CHD8: variants seen among roughly 807,000 people sequenced by gnomAD.
CHD8 encodes ATP-dependent chromatin remodeler CHD8.
Under a neutral mutation model 279.2 loss-of-function variants are expected in CHD8, and 31 were observed. The ratio of observed to expected loss-of-function variants is 0.11; its 90% confidence interval spans 0.08 to 0.15. The LOEUF (loss-of-function observed/expected upper bound fraction) is 0.15. Ranked by LOEUF, CHD8 falls within the 10% of genes least tolerant of loss-of-function variation. CHD8 has a pLI of 1.00. For synonymous variants in CHD8, 1,081 were observed against 1,139.6 expected (o/e 0.95, Z 1.04); for missense variants, 2,146 against 3,230.5 (o/e 0.66, Z 8.14).
chr14:21,421,284 T>A (rs186569207), intron 5 of CHD8, among the ~76,000 whole-genome samples: 1 of 152,002 alleles, frequency 6.6e-6, no homozygotes, highest in East Asian at 1.9e-4. Flanking sequence ...CATACATACT[T>A]TAAACATTAA....
chr14:21,433,188 C>T (rs1013463512), intron 1 of CHD8, among the ~76,000 whole-genome samples: 2 of 152,110 alleles, frequency 1.3e-5, no homozygotes, highest in South Asian at 2.1e-4. Flanking sequence ...GTAAACCATT[C>T]GATCCTCACA....
chr14:21,417,747 G>A (rs1888794193), intron 5 of CHD8, among the ~76,000 whole-genome samples: 2 of 151,044 alleles, frequency 1.3e-5, no homozygotes, highest in African/African-American at 4.9e-5. Flanking sequence ...CCCGCTACTC[G>A]GGAGGCTGAG....
At chr14:21,404,360 T>G (rs950359259) in intron 16 of CHD8, among the ~76,000 whole-genome samples, 9 of 145,478 alleles carry the variant, frequency 6.2e-5, no homozygotes, top group Non-Finnish European at 1.0e-4. Flanking sequence ...ATTGCACCAC[T>G]GTACTCCAGC....
Position 21,395,902 on chromosome 14 carries a change from T to G in CHD8, c.5052-10A>C, listed in dbSNP as rs984930330. Reference sequence around the variant, plus strand: ...TTTATCAAAGTCAACCCTAAAATTATGGAGAGGCACAAGAAAATGTTAATA... The same window carrying G: ...TTTATCAAAGTCAACCCTAAAATTAGGGAGAGGCACAAGAAAATGTTAATA... On this transcript the variant is annotated splice_polypyrimidine_tract_variant and intron_variant, in intron 27 of 37. Transcript: ENST00000646647. 3 of 1,589,640 alleles carry G rather than the reference T, an allele frequency of 1.9e-6. No individual in the cohort carries two copies. The highest frequency in any genetic ancestry group is 1.7e-5 in the Admixed American group (1 of 59,694).
chr14:21,419,211 T>C lies in CHD8; in HGVS notation c.1717-3304A>G, dbSNP rs1411976106. On this transcript the variant is annotated intron_variant, in intron 5 of 37. Transcript: ENST00000646647. ...ATATAGTATTCTTAAAATGACCTTT[T>C]TAAAAAAAAAATTTAGGAAACACTT... Among the ~76,000 whole-genome samples the C allele has an allele frequency of 2.0e-5, 3 of 151,660 alleles. No individual in the cohort carries two copies. In the East Asian group the frequency reaches 5.8e-4, roughly 29 times the overall value.
intron 5 of CHD8, among the ~76,000 whole-genome samples, chr14:21,423,213 T>C (rs1311077532): frequency 1.3e-5 from 2 of 151,956 alleles, no homozygotes; most frequent in African/African-American, 2.4e-5. Context: ...GCAGACTCTA[T>C]CTCAAAAAAT....
chr14:21,399,136 T>C, intron 26 of CHD8: 1 of 285,084 alleles, frequency 3.5e-6, no homozygotes, highest in Non-Finnish European at 7.1e-6. Flanking sequence ...CAGGTGGTGC[T>C]TTGCCTCTGA....
chr14:21,395,683 A>T (rs771018726), intron 28 of CHD8, 134 bp downstream of exon 28: 18 of 671,894 alleles, frequency 2.7e-5, no homozygotes, highest in Non-Finnish European at 2.6e-6. Context: ...AATATTTTCT[A>T]TTCTCAAATG....
chr14:21,413,219 G>A (rs1888577172), intron 9 of CHD8, among the ~76,000 whole-genome samples: 1 of 152,084 alleles, frequency 6.6e-6, no homozygotes, highest in South Asian at 2.1e-4. Context: ...TTCTAACAGA[G>A]GTCCTTCTCT....
Position 21,402,586 on chromosome 14 carries a change from T to A in CHD8, c.3715-83A>T. 1 of 1,300,994 alleles carries A rather than the reference T, an allele frequency of 7.7e-7. No homozygotes were observed. Among genetic ancestry groups the A allele is most frequent in the African/African-American group, 1.5e-5 (1 of 67,024 alleles). The allele number at this position is 1,300,994 out of a possible 1,614,324, so 80.6% of individuals were successfully genotyped here. A position where few individuals can be genotyped will look rare whatever the true frequency, so the allele number is the denominator to read the frequency against. The stretch of plus-strand genomic sequence containing the variant: ...AAGGATACAAAATACCAATTTATGA[T>A]TCTTTCACCTCTATAGAGCAGCCAT... On this transcript the variant is annotated intron_variant, in intron 18 of 37. Transcript: ENST00000646647. This position sits in a 1 kb window ranked among gnomAD's most constrained non-coding sequence, Gnocchi z 4.5.
chr14:21,425,789 A>T (rs1889288110), intron 5 of CHD8: 1 of 203,432 alleles, frequency 4.9e-6, no homozygotes, highest in Non-Finnish European at 9.8e-6. Context: ...TACAAAAATT[A>T]GCTGGGCGTG....
At position 21,392,537 on chromosome 14, in the gene CHD8, A is replaced by T. The variant is rs775961607; in HGVS notation, c.6741T>A (p.Asp2247Glu). The change falls in exon 34 of 38, where the codon GAT (aspartate) becomes GAA (glutamate). Residue 2247 changes from aspartate to glutamate, a missense_variant. Coordinates refer to ENST00000646647, the MANE Select transcript of CHD8 (RefSeq NM_001170629.2). ...AQFTKLRRGMDEKEFTVQIKD... is the reference protein window; with the variant it reads ...AQFTKLRRGMEEKEFTVQIKD... ...TGATTTGAACTGTAAACTCCTTTTC[A>T]TCCATGCCTCGGCGAAGTTTGGTGA... is the stretch of plus-strand genomic sequence containing the variant. 1.9e-6 allele frequency: 3 copies of T among 1,612,762 alleles called. No homozygotes were observed. The East Asian group carries it at 6.7e-5, about 36-fold the overall frequency.
intron 2 of CHD8, chr14:21,430,559 T>A (rs1309870607): frequency 2.1e-6 from 1 of 465,364 alleles, no homozygotes; most frequent in African/African-American, 1.9e-5. Context: ...GGGACTGTGT[T>A]TGCCTTATTT....
intron 1 of CHD8, among the ~76,000 whole-genome samples, chr14:21,449,182 TAAATA>T (rs573528596): frequency 2.0e-5 from 3 of 151,692 alleles, no homozygotes; most frequent in East Asian, 1.9e-4. Context: ...GCAAAATAAA[TAAATA>T]AAATAAAATA....
At chr14:21,426,600 TAG>T (rs1200672597) in intron 4 of CHD8, 2 of 179,194 alleles carry the variant, frequency 1.1e-5, no homozygotes, top group African/African-American at 4.7e-5. Context: ...TTGTAAACAT[TAG>T]AGAGATAATA....
rs964043109 is a variant in CHD8 at position 21,449,366 on chromosome 14, T to C, written c.-216+6666A>G. On this transcript the variant is annotated intron_variant, in intron 1 of 37. Transcript: ENST00000646647. ...AAGATTAAAAGATAACATACAATGT[T>C]TGGCACATAGTAGGCAAATAAAAAG... 8.5e-4 allele frequency among the ~76,000 whole-genome samples: 129 copies of C among 152,288 alleles called. 4 individuals carry two copies. The highest frequency in any genetic ancestry group is 4.6e-4 in the Admixed American group (7 of 15,304).
Position 21,405,970 on chromosome 14 carries a change from TC to T in CHD8, c.2908-107del. The stretch of plus-strand genomic sequence containing the variant: ...ACATATATAACCTTTAATTTCTTTA[TC>T]TATAAAATGATGAGAATGGACCAGT... On this transcript the variant is annotated intron_variant, in intron 14 of 37. Coordinates refer to ENST00000646647, the MANE Select transcript of CHD8 (RefSeq NM_001170629.2). The surrounding 1 kb of genome is among the most constrained non-coding windows in gnomAD (Gnocchi z 4.2). The T allele has an allele frequency of 1.2e-6, 1 of 839,352 alleles. No homozygotes were observed. Among genetic ancestry groups the T allele is most frequent in the Admixed American group, 3.4e-5 (1 of 29,638 alleles). 52.0% of individuals were successfully genotyped at this position (839,352 alleles called of 1,614,324 possible).
chr14:21,437,344 C>G (rs1889829568), intron 1 of CHD8: 1 of 912,846 alleles, frequency 1.1e-6, no homozygotes, highest in Non-Finnish European at 1.4e-6. Flanking sequence ...CGAAAAGACG[C>G]AAAACAGCGC....
At position 21,401,076 on chromosome 14, in the gene CHD8, G is replaced by T. The variant is rs1298135771; in HGVS notation, c.4174-5C>A. 6.3e-7 allele frequency: 1 copy of T among 1,584,670 alleles called. No homozygotes were observed. ...TGTGTCAATTACCAAATTATTCTAT[G>T]AAGAGAACAGAAGGAGAAGTAATTC... On this transcript the variant is annotated splice_polypyrimidine_tract_variant and splice_region_variant and intron_variant, in intron 21 of 37. Transcript: ENST00000646647.
Sources: allele counts gnomAD v4.1 joint callset (sites outside exome capture counted in the v4.1 genomes callset), GRCh38; gene constraint gnomAD v4.1.1; non-coding constraint Gnocchi (gnomAD v3.1); transcripts MANE v1.5; gene names NCBI Gene and HGNC (gene_info 2026-07-23, HGNC 2026-07-21).